LINGO2: variants seen among roughly 807,000 people sequenced by gnomAD.
LINGO2 encodes leucine rich repeat and Ig domain containing 2.
In LINGO2, 14 loss-of-function variants were observed where a neutral mutation model predicts 30.6. That is an observed-to-expected ratio of 0.46 (90% CI 0.30 to 0.72). LINGO2 has a LOEUF of 0.72. Ranked by LOEUF, LINGO2 falls within the 30% of genes least tolerant of loss-of-function variation. LINGO2 has a pLI of 0.07. For missense variants in LINGO2, 729 were observed against 751.7 expected, an observed-to-expected ratio of 0.97 and a Z score of 0.35; for synonymous variants, 317 against 288.5, an observed-to-expected ratio of 1.10 and a Z score of -1.00.
the LINGO2 span, among the ~76,000 whole-genome samples, chr9:28,799,128 G>T: frequency 6.6e-6 from 1 of 152,014 alleles, no homozygotes; most frequent in Non-Finnish European, 1.5e-5. Context: ...AAGAGACCAG[G>T]CTATCATAAA....
intron 4 of LINGO2, among the ~76,000 whole-genome samples, chr9:28,128,714 T>C (rs1004559441): frequency 1.3e-5 from 2 of 152,192 alleles, no homozygotes; most frequent in Non-Finnish European, 1.5e-5. Flanking sequence ...GATAATGCTC[T>C]GGTGAGGTCC....
At chr9:28,624,363 T>G (rs1428205092) in intron 1 of LINGO2, among the ~76,000 whole-genome samples, 2 of 152,068 alleles carry the variant, frequency 1.3e-5, no homozygotes, top group African/African-American at 4.8e-5. Flanking sequence ...TATCTAGTTT[T>G]GGGCGGATTT....
chr9:29,208,102 G>C, the LINGO2 span, among the ~76,000 whole-genome samples: 1 of 151,922 alleles, frequency 6.6e-6, no homozygotes, highest in East Asian at 1.9e-4. Context: ...CCATTTCATA[G>C]ATTAAATCAC....
the LINGO2 span, among the ~76,000 whole-genome samples, chr9:28,746,030 C>T: frequency 6.6e-6 from 1 of 151,824 alleles, no homozygotes; most frequent in Admixed American, 6.6e-5. Flanking sequence ...ACACAGAAAA[C>T]CATTTTTGAC....
chr9:28,744,626 G>A, the LINGO2 span, among the ~76,000 whole-genome samples: 1 of 144,206 alleles, frequency 6.9e-6, no homozygotes, highest in Non-Finnish European at 1.5e-5. Context: ...GTGTGTGTGT[G>A]TGTGTGTGTG....
the LINGO2 span, among the ~76,000 whole-genome samples, chr9:28,964,445 T>C: frequency 1.3e-5 from 2 of 151,914 alleles, no homozygotes; most frequent in Non-Finnish European, 2.9e-5. Context: ...GCAAGAAGCA[T>C]CATGATATAC....
chr9:28,011,820 G>A (rs1410440281), intron 5 of LINGO2, among the ~76,000 whole-genome samples: 3 of 152,180 alleles, frequency 2.0e-5, no homozygotes, highest in East Asian at 1.9e-4. Flanking sequence ...CCTGATGAGG[G>A]AGATGCCTCC....
the LINGO2 span, among the ~76,000 whole-genome samples, chr9:28,961,396 G>C: frequency 6.6e-6 from 1 of 152,096 alleles, no homozygotes; most frequent in Non-Finnish European, 1.5e-5. Flanking sequence ...GGAATAACTT[G>C]TAACGTAATC....
At chr9:28,461,730 T>C (rs991945179) in intron 2 of LINGO2, among the ~76,000 whole-genome samples, 1 of 152,088 alleles carries the variant, frequency 6.6e-6, no homozygotes, top group African/African-American at 2.4e-5. Flanking sequence ...GAGAGTCTAA[T>C]ATGGACAAAA....
At chr9:28,627,635 T>G (rs1388937631) in intron 1 of LINGO2, among the ~76,000 whole-genome samples, 4 of 152,128 alleles carry the variant, frequency 2.6e-5, no homozygotes, top group Non-Finnish European at 5.9e-5. Context: ...ATGTGTCATA[T>G]ATTTTGACAA....
At chr9:28,229,576 T>C (rs1359253579) in intron 4 of LINGO2, among the ~76,000 whole-genome samples, 1 of 151,712 alleles carries the variant, frequency 6.6e-6, no homozygotes, top group Non-Finnish European at 1.5e-5. Flanking sequence ...ACAAAAAGAA[T>C]GACCAAAAGA....
the LINGO2 span, among the ~76,000 whole-genome samples, chr9:29,082,292 T>G: frequency 6.6e-6 from 1 of 152,184 alleles, no homozygotes; most frequent in African/African-American, 2.4e-5. Flanking sequence ...TACAACCATC[T>G]GATCTTTGAC....
At chr9:28,839,258 G>A in the LINGO2 span, among the ~76,000 whole-genome samples, 4 of 152,142 alleles carry the variant, frequency 2.6e-5, no homozygotes, top group African/African-American at 9.7e-5. Context: ...GTCCCAAGTT[G>A]TCCCACATCC....
At chr9:28,173,693 G>A (rs568029540) in intron 4 of LINGO2, among the ~76,000 whole-genome samples, 26 of 152,278 alleles carry the variant, frequency 1.7e-4, no homozygotes, top group Admixed American at 1.2e-3. Context: ...AGAATGGAAC[G>A]GTTATAAGAA....
At chr9:28,480,510 G>C (rs944508802) in intron 1 of LINGO2, among the ~76,000 whole-genome samples, 6 of 151,968 alleles carry the variant, frequency 3.9e-5, no homozygotes, top group African/African-American at 1.4e-4. Context: ...TAGGAATAAA[G>C]AGAAAAATAA....
the LINGO2 span, among the ~76,000 whole-genome samples, chr9:29,064,357 T>G: frequency 6.6e-6 from 1 of 152,072 alleles, no homozygotes; most frequent in Non-Finnish European, 1.5e-5. Context: ...GACTGAAATA[T>G]CAACACTATT....
chr9:28,388,962 G>T (rs1821713543), intron 2 of LINGO2, among the ~76,000 whole-genome samples: 1 of 152,102 alleles, frequency 6.6e-6, no homozygotes, highest in South Asian at 2.1e-4. Context: ...AACCATAAAT[G>T]AGAACCTACT....
chr9:28,492,297 G>GA lies in LINGO2; in HGVS notation c.-364-16273dup, dbSNP rs535029277. Among the ~76,000 whole-genome samples the GA allele has an allele frequency of 1.5e-3, 230 of 152,174 alleles. 1 individual carries two copies. Among genetic ancestry groups the GA allele is most frequent in the Non-Finnish European group, 3.0e-3 (201 of 67,996 alleles). ...GTCTCCCAGTTTCAATGTCTTGGGG[G>GA]AAAAATTCTATGACAAACAAATAAA... is the stretch of plus-strand genomic sequence containing the variant. On this transcript the variant is annotated intron_variant, in intron 1 of 5. Transcript: ENST00000379992.
chr9:28,078,745 G>C (rs1360119748), intron 4 of LINGO2, among the ~76,000 whole-genome samples: 2 of 147,836 alleles, frequency 1.4e-5, no homozygotes, highest in Non-Finnish European at 2.9e-5. Context: ...CTACTCAGGA[G>C]GCTGGGGCAG....
Sources: allele counts gnomAD v4.1 joint callset (sites outside exome capture counted in the v4.1 genomes callset), GRCh38; gene constraint gnomAD v4.1.1; transcripts MANE v1.5; gene names NCBI Gene and HGNC (gene_info 2026-07-23, HGNC 2026-07-21).